Variants in PCDHGB1 observed in about 807,000 individuals in gnomAD.
PCDHGB1 encodes protocadherin gamma subfamily B, 1, also known as protocadherin gamma-B1.
PCDHGB1 carries 34 observed loss-of-function variants against 56.6 expected under a neutral mutation model. That is an observed-to-expected ratio of 0.60 (90% confidence interval 0.46 to 0.80). The LOEUF is 0.80. PCDHGB1 is among the 30% of genes least tolerant of loss of function. The probability of loss-of-function intolerance (pLI) is 0.00; values close to 1 mark genes in which losing one functional copy is unlikely to be tolerated. For synonymous variants in PCDHGB1, 561 were observed against 505.9 expected, an observed-to-expected ratio of 1.11 and a Z score of -1.46; for missense variants, 1,278 against 1,204.6, an observed-to-expected ratio of 1.06 and a Z score of -0.90.
intron 1 of PCDHGB1, chr5:141,424,527 A>G (rs1164206187): frequency 1.3e-5 from 2 of 152,214 alleles, no homozygotes; most frequent in African/African-American, 2.4e-5. Flanking sequence ...GTAAATCCAT[A>G]TATAGAAATA....
rs1444244130 is a variant in PCDHGB1 at position 141,433,401 on chromosome 5, A to ATCTATCTC, written c.2410-61401_2410-61400insCTCTCTAT. The stretch of plus-strand genomic sequence containing the variant: ...TATCTATCTATCTATCTATCTATCT[A>ATCTATCTC]TCTATTACTTTCTTGTACAGACAGG... On this transcript the variant is annotated intron_variant, in intron 1 of 3. Transcript: ENST00000523390. Among the ~76,000 whole-genome samples, 100 of 150,598 alleles carry ATCTATCTC rather than the reference A, an allele frequency of 6.6e-4. 1 individual carries two copies. Among genetic ancestry groups the ATCTATCTC allele is most frequent in the African/African-American group, 2.4e-3 (100 of 40,958 alleles).
chr5:141,460,576 G>A (rs2098992216), intron 1 of PCDHGB1, among the ~76,000 whole-genome samples: 1 of 152,082 alleles, frequency 6.6e-6, no homozygotes, highest in Non-Finnish European at 1.5e-5. Flanking sequence ...ACATATGTAG[G>A]TGTGGGTTTT....
At chr5:141,415,285 G>T in intron 1 of PCDHGB1, 1 of 1,614,216 alleles carries the variant, frequency 6.2e-7, no homozygotes. Flanking sequence ...GGTGGCCGCG[G>T]TCTCCTGCGT....
intron 2 of PCDHGB1, among the ~76,000 whole-genome samples, chr5:141,502,654 C>G (rs1424933188): frequency 6.6e-6 from 1 of 152,112 alleles, no homozygotes; most frequent in African/African-American, 2.4e-5. Context: ...TAGGCAGCAA[C>G]CCTTCATGCA....
Position 141,485,086 on chromosome 5 carries a change from A to T in PCDHGB1, c.2410-9721A>T. 1.0e-6 allele frequency: 1 copy of T among 999,576 alleles called. No individual in the cohort carries two copies. Among genetic ancestry groups the T allele is most frequent in the Non-Finnish European group, 1.5e-6 (1 of 651,740 alleles). 61.9% of individuals were successfully genotyped at this position (999,576 alleles called of 1,614,324 possible). A position where few individuals can be genotyped will look rare whatever the true frequency, so the allele number is the denominator to read the frequency against. On this transcript the variant is annotated intron_variant, in intron 1 of 3. Transcript: ENST00000523390. The surrounding 1 kb of genome is among the most constrained non-coding windows in gnomAD (Gnocchi z 5.7). The stretch of plus-strand genomic sequence containing the variant: ...CCAGAGCTGGCGCGGGGAAAGGGAG[A>T]TAGGTGTCTCCAGCTGCTGTGGCTG...
At chr5:141,415,129 G>C in intron 1 of PCDHGB1, 1 of 1,613,656 alleles carries the variant, frequency 6.2e-7, no homozygotes, top group African/African-American at 1.3e-5. Flanking sequence ...GGCCGTCCAG[G>C]ACCACGGCCA....
In PCDHGB1 at chr5:141,486,680, T is replaced by A; in HGVS notation, c.2410-8127T>A. The A allele has an allele frequency of 6.2e-7, 1 of 1,614,102 alleles. No homozygotes were observed. Among genetic ancestry groups the A allele is most frequent in the Non-Finnish European group, 8.5e-7 (1 of 1,180,018 alleles). ...CCTGGAGCCCAGGAATCGAGATGTA[T>A]CAGCTTCCTCTTTCATCTCTCTGAA... is the stretch of plus-strand genomic sequence containing the variant. On this transcript the variant is annotated intron_variant, in intron 1 of 3. Coordinates refer to ENST00000523390, the MANE Select transcript of PCDHGB1 (RefSeq NM_018922.3). This position sits in a 1 kb window ranked among gnomAD's most constrained non-coding sequence, Gnocchi z 5.0.
In PCDHGB1 at chr5:141,493,521, G is replaced by A. The variant is rs967636266; in HGVS notation, c.2410-1286G>A. Among the ~76,000 whole-genome samples the A allele has an allele frequency of 3.9e-5, 6 of 152,242 alleles. No homozygotes were observed. In the East Asian group the frequency reaches 7.7e-4, roughly 20 times the overall value. The stretch of plus-strand genomic sequence containing the variant: ...CTCATTTCTGAGCAGTCCCCGCAGC[G>A]CAAACTTGGCCAGTTATCCTTTTGG... On this transcript the variant is annotated intron_variant, in intron 1 of 3. Coordinates refer to ENST00000523390, the MANE Select transcript of PCDHGB1 (RefSeq NM_018922.3). This position sits in a 1 kb window ranked among gnomAD's most constrained non-coding sequence, Gnocchi z 4.3.
intron 1 of PCDHGB1, chr5:141,404,905 GC>G (rs762314174): frequency 6.2e-6 from 10 of 1,613,910 alleles, no homozygotes; most frequent in Middle Eastern, 1.7e-4. Context: ...ACCATGGCCA[GC>G]CCCCTCTCTC....
At position 141,432,871 on chromosome 5, in the gene PCDHGB1, C is replaced by T. The variant is rs1190891661; in HGVS notation, c.2410-61936C>T. On this transcript the variant is annotated intron_variant, in intron 1 of 3. Transcript: ENST00000523390. This position sits in a 1 kb window ranked among gnomAD's most constrained non-coding sequence, Gnocchi z 6.0. ...CGGTGGCCGCGGTCTCCTGCGTCTT[C>T]CTGGCCTTCGTCATCTTGCTGCTGG... 1 of 1,614,216 alleles carries T rather than the reference C, an allele frequency of 6.2e-7. No homozygotes were observed. Among genetic ancestry groups the T allele is most frequent in the Non-Finnish European group, 8.5e-7 (1 of 1,180,018 alleles).
Position 141,432,502 on chromosome 5 carries a change from C to T in PCDHGB1, c.2410-62305C>T. On this transcript the variant is annotated intron_variant, in intron 1 of 3. Transcript: ENST00000523390. This position sits in a 1 kb window ranked among gnomAD's most constrained non-coding sequence, Gnocchi z 6.0. ...CTGGCGTGGAGCTGGCTCCCCGCTC[C>T]GCAGAGCCCGGCTACCTGGTGACCA... 6.2e-7 allele frequency: 1 copy of T among 1,614,142 alleles called. No individual in the cohort carries two copies. The highest frequency in any genetic ancestry group is 8.5e-7 in the Non-Finnish European group (1 of 1,180,042).
At chr5:141,465,241 G>C (rs2099099198) in intron 1 of PCDHGB1, among the ~76,000 whole-genome samples, 1 of 151,964 alleles carries the variant, frequency 6.6e-6, no homozygotes, top group South Asian at 2.1e-4. Flanking sequence ...CAAGTTCAAG[G>C]CACTTTTGTA....
At chr5:141,430,140 A>C (rs1295602149) in intron 1 of PCDHGB1, among the ~76,000 whole-genome samples, 1 of 152,202 alleles carries the variant, frequency 6.6e-6, no homozygotes, top group Non-Finnish European at 1.5e-5. Context: ...CCTTCCATTC[A>C]GGATCATTCA....
chr5:141,480,955 G>A (rs2154578440), intron 1 of PCDHGB1, among the ~76,000 whole-genome samples: 1 of 152,304 alleles, frequency 6.6e-6, no homozygotes, highest in South Asian at 2.1e-4. Context: ...TGAGGCGGAA[G>A]CATCAGTGAG....
chr5:141,350,662 C>T lies in PCDHGB1; in HGVS notation c.402C>T (p.Gly134=). ...ATGCACCACGTTTCGTTGCAAAAGGCATTGACTTAGAAATTTGTGAGTCAG... is the reference window on the plus strand; with the variant it reads ...ATGCACCACGTTTCGTTGCAAAAGGTATTGACTTAGAAATTTGTGAGTCAG... ...NDNAPRFVAK[G]IDLEICESAL... Residue 134 remains glycine, a synonymous_variant, in exon 1 of 4, where the codon GGC becomes GGT. Coordinates refer to ENST00000523390, the MANE Select transcript of PCDHGB1 (RefSeq NM_018922.3). 1.2e-6 allele frequency: 2 copies of T among 1,614,012 alleles called. No homozygotes were observed. The highest frequency in any genetic ancestry group is 1.7e-6 in the Non-Finnish European group (2 of 1,179,888).
Position 141,470,128 on chromosome 5 carries a change from CA to C in PCDHGB1, c.2410-24670del, listed in dbSNP as rs200356364. Among the ~76,000 whole-genome samples, 62 of 150,148 alleles carry C rather than the reference CA, an allele frequency of 4.1e-4. 1 individual carries two copies. Among genetic ancestry groups the C allele is most frequent in the Middle Eastern group, 3.4e-3 (1 of 294 alleles). On this transcript the variant is annotated intron_variant, in intron 1 of 3. Coordinates refer to ENST00000523390, the MANE Select transcript of PCDHGB1 (RefSeq NM_018922.3). ...TGAGCAACAGAGCAAGACTTCGTCTCAAAAAAAAAGATCATAGATCATCTTA... is the reference window on the plus strand; with the variant it reads ...TGAGCAACAGAGCAAGACTTCGTCTCAAAAAAAAGATCATAGATCATCTTA...
At chr5:141,433,612 G>A (rs1181458593) in intron 1 of PCDHGB1, among the ~76,000 whole-genome samples, 1 of 152,082 alleles carries the variant, frequency 6.6e-6, no homozygotes, top group Non-Finnish European at 1.5e-5. Context: ...GAGGCGGGTG[G>A]ATCACCTGAG....
At chr5:141,409,519 C>T in intron 1 of PCDHGB1, 1 of 1,614,040 alleles carries the variant, frequency 6.2e-7, no homozygotes, top group Non-Finnish European at 8.5e-7. Context: ...GAAGCATCAC[C>T]TTGTATGTCG....
rs759809060 is a variant in PCDHGB1, at chr5:141,476,317, G to A, written c.2410-18490G>A. 1.2e-6 allele frequency: 2 copies of A among 1,614,170 alleles called. No individual in the cohort carries two copies. Among genetic ancestry groups the A allele is most frequent in the South Asian group, 2.2e-5 (2 of 91,078 alleles). On this transcript the variant is annotated intron_variant, in intron 1 of 3. Coordinates refer to ENST00000523390, the MANE Select transcript of PCDHGB1 (RefSeq NM_018922.3). This position sits in a 1 kb window ranked among gnomAD's most constrained non-coding sequence, Gnocchi z 7.6. Reference sequence around the variant, plus strand: ...GTAGCCTCTCAGCCCGCAGGTTCCGGGTGGTGTCTGGAGCTAGCCGAAGAT... The same window carrying A: ...GTAGCCTCTCAGCCCGCAGGTTCCGAGTGGTGTCTGGAGCTAGCCGAAGAT...
Sources: gnomAD v4.1 joint callset for allele counts (sites outside exome capture counted in the v4.1 genomes callset) on GRCh38, gnomAD v4.1.1 for gene constraint, Gnocchi (gnomAD v3.1) non-coding constraint, MANE v1.5 for transcripts, NCBI Gene and HGNC (gene_info 2026-07-23, HGNC 2026-07-21) for gene names.